Variants in SCUBE2 observed in about 807,000 individuals in gnomAD.
SCUBE2 encodes the protein signal peptide, CUB and EGF-like domain-containing protein 2.
A neutral mutation model predicts 125.9 loss-of-function variants in SCUBE2; 114 were observed. The observed-to-expected ratio is 0.91, with a 90% CI of 0.78 to 1.06. SCUBE2 has a LOEUF of 1.06. Ranked by LOEUF, SCUBE2 falls within the 50% of genes least tolerant of loss-of-function variation. The pLI, the probability that SCUBE2 is intolerant of heterozygous loss-of-function variation, is 0.00. For synonymous variants in SCUBE2, 459 were observed against 492.9 expected, an observed-to-expected ratio of 0.93 and a Z score of 0.91; for missense variants, 1,255 against 1,301.8, an observed-to-expected ratio of 0.96 and a Z score of 0.55.
chr11:9,074,551 G>A lies in SCUBE2; in HGVS notation c.447C>T (p.Ser149=), dbSNP rs911910748. 6.2e-7 allele frequency: 1 copy of A among 1,614,198 alleles called. No homozygotes were observed. The highest frequency in any genetic ancestry group is 8.5e-7 in the Non-Finnish European group (1 of 1,180,034). The change falls in exon 4 of 23, where the codon AGC becomes AGT. Residue 149 remains serine (S), a synonymous_variant. Coordinates refer to ENST00000649792, the MANE Select transcript of SCUBE2 (RefSeq NM_001367977.2). The stretch of plus-strand genomic sequence containing the variant: ...ACCCCTCCTTGCAGCAGCACTCATA[G>A]CTCCCCATGACGTTGACACAGGTAT... ...CQHTCVNVMG[S]YECCCKEGFF...
At chr11:9,036,930 A>G (rs948037205) in intron 16 of SCUBE2, among the ~76,000 whole-genome samples, 3 of 152,194 alleles carry the variant, frequency 2.0e-5, no homozygotes, top group African/African-American at 7.2e-5. Flanking sequence ...TTTCCTCACA[A>G]TGAAAGGCCT....
intron 7 of SCUBE2, among the ~76,000 whole-genome samples, chr11:9,061,731 G>A (rs970803149): frequency 6.6e-6 from 1 of 152,110 alleles, no homozygotes; most frequent in Non-Finnish European, 1.5e-5. Context: ...AAAGAAAATA[G>A]GAGAAAAGAC....
At chr11:9,043,316 G>C (rs1003520227) in intron 16 of SCUBE2, among the ~76,000 whole-genome samples, 2 of 152,034 alleles carry the variant, frequency 1.3e-5, no homozygotes, top group Non-Finnish European at 2.9e-5. Flanking sequence ...ATTATCCAGT[G>C]TATTTCTTAA....
chr11:9,048,650 C>G (rs962165781), intron 14 of SCUBE2, among the ~76,000 whole-genome samples: 1 of 152,160 alleles, frequency 6.6e-6, no homozygotes, highest in Non-Finnish European at 1.5e-5. Context: ...AAAGCATCAA[C>G]AGAACCTAAC....
At chr11:9,039,345 C>T (rs1857007724) in intron 16 of SCUBE2, among the ~76,000 whole-genome samples, 1 of 152,190 alleles carries the variant, frequency 6.6e-6, no homozygotes, top group Non-Finnish European at 1.5e-5. Context: ...AGGATTTGCA[C>T]ACGGACTGGA....
chr11:9,047,496 A>G lies in SCUBE2; in HGVS notation c.1862T>C (p.Leu621Pro), dbSNP rs1566193240. ...EKRLRKAIRT[L>P]RKAVHREQFH... ...CTGCTCCCTGTGGACGGCCTTTCTG[A>G]GCGTGCGGATGGCTTTACGGAGCCG... Residue 621 changes from leucine (L) to proline (P), a missense_variant, in exon 16 of 23, where the codon CTC becomes CCC. Coordinates refer to ENST00000649792, the MANE Select transcript of SCUBE2 (RefSeq NM_001367977.2). The G allele has an allele frequency of 6.2e-7, 1 of 1,612,742 alleles. No individual in the cohort carries two copies. Among genetic ancestry groups the G allele is most frequent in the East Asian group, 2.2e-5 (1 of 44,794 alleles).
At chr11:9,072,007 C>T (rs1278063302) in intron 4 of SCUBE2, among the ~76,000 whole-genome samples, 1 of 151,826 alleles carries the variant, frequency 6.6e-6, no homozygotes, top group African/African-American at 2.4e-5. Context: ...TTTGGAGTCT[C>T]TAAGGATAAA....
intron 7 of SCUBE2, among the ~76,000 whole-genome samples, chr11:9,064,347 G>C (rs536489067): frequency 6.6e-6 from 1 of 151,948 alleles, no homozygotes; most frequent in African/African-American, 2.4e-5. Context: ...CATGCCTGTA[G>C]TCCAGCTACT....
intron 13 of SCUBE2, 90 bp from the exon 14 acceptor site, chr11:9,050,800 T>A: frequency 1.0e-6 from 1 of 974,040 alleles, no homozygotes; most frequent in Non-Finnish European, 1.7e-6. Flanking sequence ...CATTGGTGGC[T>A]TCCACCACAC....
intron 5 of SCUBE2, among the ~76,000 whole-genome samples, chr11:9,068,074 G>A (rs1290984464): frequency 1.3e-5 from 2 of 152,176 alleles, no homozygotes; most frequent in Non-Finnish European, 2.9e-5. Flanking sequence ...GAGTGTGATG[G>A]TGGCACCAGC....
chr11:9,030,630 G>A, intron 18 of SCUBE2, 128 bp downstream of exon 18: 1 of 930,956 alleles, frequency 1.1e-6, no homozygotes, highest in East Asian at 2.4e-5. Flanking sequence ...GGCGAGTGGA[G>A]CTGGGACCTG....
chr11:9,081,256 T>C (rs1369845613), intron 2 of SCUBE2, among the ~76,000 whole-genome samples: 1 of 152,226 alleles, frequency 6.6e-6, no homozygotes, highest in Non-Finnish European at 1.5e-5. Context: ...CATAATGTTG[T>C]GAAACCATCA....
intron 16 of SCUBE2, among the ~76,000 whole-genome samples, 163 bp downstream of exon 16, chr11:9,047,193 C>T (rs529404130): frequency 1.7e-4 from 26 of 152,222 alleles, no homozygotes; most frequent in East Asian, 5.8e-4. Flanking sequence ...CTAGCAGGGA[C>T]GACAGACACA....
intron 9 of SCUBE2, chr11:9,057,117 T>C (rs769303868): frequency 1.3e-5 from 2 of 152,238 alleles, no homozygotes; most frequent in Non-Finnish European, 2.9e-5. Flanking sequence ...GTTATTAATA[T>C]CAGCCAGTTG....
rs1861459710 is a variant in SCUBE2 at position 9,079,446 on chromosome 11, C to A, written c.320G>T (p.Gly107Val). ...ATCAAAACAAGTGCAACGATAATTG[C>A]CTGGAATATTCAAACAGTCATGGAC... The part of the protein sequence containing the change: ...GCVHDCLNIP[G>V]NYRCTCFDGF... Residue 107 changes from glycine to valine, a missense_variant, in exon 3 of 23, where the codon GGC becomes GTC. Around this residue, in one of 3 missense-constraint regions of SCUBE2, gnomAD observed 362 missense variants for 323.0 expected, o/e 1.12. Transcript: ENST00000649792. 1 of 1,614,110 alleles carries A rather than the reference C, an allele frequency of 6.2e-7. No homozygotes were observed. The highest frequency in any genetic ancestry group is 2.2e-5 in the East Asian group (1 of 44,886).
At chr11:9,046,033 G>A (rs2135377053) in intron 16 of SCUBE2, among the ~76,000 whole-genome samples, 1 of 132,076 alleles carries the variant, frequency 7.6e-6, no homozygotes, top group African/African-American at 2.8e-5. Context: ...TTGAGACGGA[G>A]TCTTGCTCTG....
chr11:9,073,843 A>T (rs1224376418), intron 4 of SCUBE2, among the ~76,000 whole-genome samples: 1 of 152,228 alleles, frequency 6.6e-6, no homozygotes, highest in Non-Finnish European at 1.5e-5. Flanking sequence ...AGAGGAATGA[A>T]AAAAGGTATA....
rs769684414 is a variant in SCUBE2 at position 9,029,950 on chromosome 11, A to G, written c.2437T>C (p.Cys813Arg). The change falls in exon 19 of 23, where the codon TGT becomes CGT. Residue 813 changes from cysteine to arginine, a missense_variant. Cys to Arg is a radical substitution (Grantham distance 180). Around this residue, in one of 3 missense-constraint regions of SCUBE2, gnomAD observed 515 missense variants for 515.7 expected, o/e 1.00. Coordinates refer to ENST00000649792, the MANE Select transcript of SCUBE2 (RefSeq NM_001367977.2). ...TYQPEFGKNN[C>R]VSCPGNTTTD... ...GTAGTATTTCCTGGGCAAGAAACAC[A>G]ATTATTTTTTCCAAATTCAGGCTGG... The G allele has an allele frequency of 1.2e-6, 2 of 1,614,076 alleles. No individual in the cohort carries two copies. Among genetic ancestry groups the G allele is most frequent in the African/African-American group, 2.7e-5 (2 of 74,922 alleles).
At chr11:9,033,584 T>C in intron 17 of SCUBE2, 42 bp downstream of exon 17, 1 of 1,594,660 alleles carries the variant, frequency 6.3e-7, no homozygotes, top group Non-Finnish European at 8.6e-7. Context: ...AACAATGACA[T>C]CAGAGATGGG....
Sources: allele counts gnomAD v4.1 joint callset (sites outside exome capture counted in the v4.1 genomes callset), GRCh38; gene constraint gnomAD v4.1.1; regional missense constraint gnomAD v4.1.1; transcripts MANE v1.5; gene names NCBI Gene and HGNC (gene_info 2026-07-23, HGNC 2026-07-21).